Variants in LAMA4 observed in about 807,000 individuals in gnomAD.
LAMA4 encodes the protein laminin subunit alpha-4.
A neutral mutation model predicts 207.1 loss-of-function variants in LAMA4; 127 were observed. The observed-to-expected ratio is 0.61, with a 90% confidence interval of 0.53 to 0.71. The LOEUF (loss-of-function observed/expected upper bound fraction) is 0.71. Ranked by LOEUF, LAMA4 falls within the 30% of genes least tolerant of loss-of-function variation. The pLI is 0.00. For missense variants in LAMA4, 2,093 were observed against 2,246.5 expected, an observed-to-expected ratio of 0.93 and a Z score of 1.38; for synonymous variants, 761 against 816.0, an observed-to-expected ratio of 0.93 and a Z score of 1.15.
At chr6:112,155,217 G>A (rs1213577292) in intron 15 of LAMA4, 6 of 572,864 alleles carry the variant, frequency 1.0e-5, no homozygotes, top group African/African-American at 5.6e-5. Flanking sequence ...CCACATAGAA[G>A]CCACACAATA....
intron 2 of LAMA4, among the ~76,000 whole-genome samples, chr6:112,225,719 G>A (rs1325530330): frequency 6.6e-6 from 1 of 152,110 alleles, no homozygotes; most frequent in Non-Finnish European, 1.5e-5. Flanking sequence ...AGTAAACAAT[G>A]TTTACTAAAG....
chr6:112,231,580 C>T lies in LAMA4; in HGVS notation c.196-15111G>A, dbSNP rs529820812. ...TCAATAGAAGCCAGTCGTATGACAT[C>T]CAGCTGTATCCCTGACACCTCCTTT... is the stretch of plus-strand genomic sequence containing the variant. On this transcript the variant is annotated intron_variant, in intron 2 of 38. Transcript: ENST00000230538. Among the ~76,000 whole-genome samples the T allele has an allele frequency of 1.2e-4, 19 of 152,286 alleles. No homozygotes were observed. The South Asian group carries it at 3.9e-3, about 32-fold the overall frequency.
At chr6:112,188,679 A>T (rs1323719455) in intron 7 of LAMA4, among the ~76,000 whole-genome samples, 1 of 152,224 alleles carries the variant, frequency 6.6e-6, no homozygotes, top group Non-Finnish European at 1.5e-5. Flanking sequence ...TTCTGCTCCC[A>T]CTTCAGATTT....
chr6:112,195,373 C>G (rs1783353074), intron 5 of LAMA4, among the ~76,000 whole-genome samples: 2 of 152,178 alleles, frequency 1.3e-5, no homozygotes. Flanking sequence ...GTTGAGCAAG[C>G]TAGAGAGTAA....
intron 2 of LAMA4, among the ~76,000 whole-genome samples, chr6:112,248,466 T>C (rs907783043): frequency 7.2e-6 from 1 of 139,350 alleles, no homozygotes; most frequent in Non-Finnish European, 1.5e-5. Context: ...ACCACTGTAC[T>C]CCAGCCTGGG....
chr6:112,253,577 A>G, intron 2 of LAMA4: 1 of 652,846 alleles, frequency 1.5e-6, no homozygotes, highest in Non-Finnish European at 2.7e-6. Flanking sequence ...ACAGAGGAGC[A>G]GGAAGCCAGT....
At chr6:112,204,927 T>C (rs1268820642) in intron 4 of LAMA4, among the ~76,000 whole-genome samples, 2 of 152,210 alleles carry the variant, frequency 1.3e-5, no homozygotes, top group Non-Finnish European at 2.9e-5. Context: ...GTTAGACTTG[T>C]AGTATTTGAA....
intron 14 of LAMA4, among the ~76,000 whole-genome samples, chr6:112,156,640 C>T (rs139734165): frequency 8.1e-4 from 124 of 152,192 alleles, no homozygotes; most frequent in African/African-American, 2.9e-3. Flanking sequence ...TCCCAAACAT[C>T]GATGATTAGT....
chr6:112,209,038 T>C (rs1459749417), intron 3 of LAMA4, among the ~76,000 whole-genome samples: 1 of 152,172 alleles, frequency 6.6e-6, no homozygotes, highest in Non-Finnish European at 1.5e-5. Context: ...GATTAATGAA[T>C]TTGTGTCTGG....
At chr6:112,241,096 T>G (rs1436566347) in intron 2 of LAMA4, among the ~76,000 whole-genome samples, 1 of 127,304 alleles carries the variant, frequency 7.9e-6, no homozygotes, top group East Asian at 2.0e-4. Context: ...TGGAGTCACA[T>G]GAATATATAT....
intron 7 of LAMA4, 71 bp from the exon 8 acceptor site, chr6:112,187,672 T>G (rs1182044422): frequency 7.0e-7 from 1 of 1,430,176 alleles, no homozygotes; most frequent in Non-Finnish European, 9.7e-7. Flanking sequence ...TAGCAGAACA[T>G]AAATCTCTAT....
At chr6:112,139,696 T>C in intron 23 of LAMA4, 56 bp downstream of exon 23, 1 of 1,595,564 alleles carries the variant, frequency 6.3e-7, no homozygotes, top group Non-Finnish European at 8.6e-7. Flanking sequence ...ATACTTGTTC[T>C]ATCTGCTGCT....
chr6:112,238,584 G>A (rs1786112698), intron 2 of LAMA4, among the ~76,000 whole-genome samples: 2 of 152,176 alleles, frequency 1.3e-5, no homozygotes, highest in South Asian at 4.2e-4. Context: ...CTGGGCACCT[G>A]TAGTCCCAGC....
chr6:112,198,930 A>T (rs78521701), intron 5 of LAMA4, among the ~76,000 whole-genome samples: 1 of 152,296 alleles, frequency 6.6e-6, no homozygotes, highest in East Asian at 1.9e-4. Context: ...TACAAGTGGA[A>T]ATTGCCACTT....
chr6:112,187,318 TAGACC>T, intron 8 of LAMA4, 127 bp downstream of exon 8: 1 of 1,022,028 alleles, frequency 9.8e-7, no homozygotes, highest in Non-Finnish European at 1.5e-6. Flanking sequence ...TTTTCTATGT[TAGACC>T]TACAGGTCTA....
chr6:112,187,200 T>C (rs1186624912), intron 8 of LAMA4: 9 of 581,548 alleles, frequency 1.5e-5, no homozygotes, highest in East Asian at 3.1e-5. Flanking sequence ...ACTAGTCTTT[T>C]AGTCATTTCA....
rs1168730913 is a variant in LAMA4, at chr6:112,154,844, T to C, written c.2056+7A>G. The C allele has an allele frequency of 1.9e-6, 3 of 1,549,906 alleles. No individual in the cohort carries two copies. The highest frequency in any genetic ancestry group is 2.2e-5 in the East Asian group (1 of 44,576). ...TAGAAAGGAGATAGGAAAGTGAAGATATTTACTAGACTCTGCCTTTGCTTG... is the reference window on the plus strand; with the variant it reads ...TAGAAAGGAGATAGGAAAGTGAAGACATTTACTAGACTCTGCCTTTGCTTG... On this transcript the variant is annotated splice_region_variant and intron_variant, in intron 16 of 38. Transcript: ENST00000230538.
chr6:112,224,610 GT>G (rs1554361772), intron 2 of LAMA4, among the ~76,000 whole-genome samples: 1 of 152,152 alleles, frequency 6.6e-6, no homozygotes, highest in East Asian at 1.9e-4. Context: ...GAGGTAAGGA[GT>G]TTGAGACCAG....
intron 18 of LAMA4, among the ~76,000 whole-genome samples, chr6:112,146,403 G>T (rs1392734046): frequency 6.6e-6 from 1 of 152,094 alleles, no homozygotes; most frequent in Non-Finnish European, 1.5e-5. Flanking sequence ...TTCTTAAAGT[G>T]TGGTTCCCAG....
Sources: gnomAD v4.1 joint callset for allele counts (sites outside exome capture counted in the v4.1 genomes callset) on GRCh38, gnomAD v4.1.1 for gene constraint, MANE v1.5 for transcripts, NCBI Gene and HGNC (gene_info 2026-07-23, HGNC 2026-07-21) for gene names.